Variants in TYW1B observed in about 807,000 individuals in gnomAD.
TYW1B encodes S-adenosyl-L-methionine-dependent tRNA 4-demethylwyosine synthase TYW1B.
Under a neutral mutation model 86.9 loss-of-function variants are expected in TYW1B, and 73 were observed. The observed-to-expected ratio is 0.84, with a 90% CI of 0.70 to 1.02. TYW1B has a LOEUF of 1.02. TYW1B is among the 50% of genes least tolerant of loss of function. The pLI is 0.00. For missense variants in TYW1B, 637 were observed against 827.4 expected (o/e 0.77, Z 2.82); for synonymous variants, 248 against 292.8 (o/e 0.85, Z 1.56).
At chr7:72,770,828 TA>T (rs1257848654) in intron 7 of TYW1B, among the ~76,000 whole-genome samples, 1 of 151,774 alleles carries the variant, frequency 6.6e-6, no homozygotes, top group Non-Finnish European at 1.5e-5. Context: ...TACTGAGCAA[TA>T]AAAGTGAATG....
intron 10 of TYW1B, among the ~76,000 whole-genome samples, chr7:72,706,431 C>CA (rs59124514): frequency 0.027 from 1,723 of 64,372 alleles, 26 homozygotes; most frequent in African/African-American, 0.074. Flanking sequence ...CCTCCATCTC[C>CA]AAAAAAAAAA....
chr7:72,703,796 A>G lies in TYW1B; in HGVS notation c.1371-8974T>C, dbSNP rs573694031. Among the ~76,000 whole-genome samples, 5 of 151,828 alleles carry G rather than the reference A, an allele frequency of 3.3e-5. No homozygotes were observed. The South Asian group carries it at 8.3e-4, about 25-fold the overall frequency. On this transcript the variant is annotated intron_variant, in intron 10 of 13. Transcript: ENST00000620995. ...CTTGAATTCGAAAGGCAGAGGCTGCAGTGAGCCAAGATCTCACCACTGCAC... is the reference window on the plus strand; with the variant it reads ...CTTGAATTCGAAAGGCAGAGGCTGCGGTGAGCCAAGATCTCACCACTGCAC...
intron 8 of TYW1B, among the ~76,000 whole-genome samples, chr7:72,735,591 C>T (rs1380806655): frequency 2.8e-5 from 4 of 144,512 alleles, no homozygotes; most frequent in East Asian, 4.1e-4. Context: ...AAAAAAAGGC[C>T]GAGTGCAGTG....
chr7:72,743,526 A>T (rs1787340904), intron 8 of TYW1B, among the ~76,000 whole-genome samples: 1 of 152,124 alleles, frequency 6.6e-6, no homozygotes, highest in African/African-American at 2.4e-5. Flanking sequence ...GTTGAAGAGT[A>T]AGCAGTTGTA....
At chr7:72,780,331 T>C (rs1554471418) in intron 6 of TYW1B, among the ~76,000 whole-genome samples, 1 of 152,200 alleles carries the variant, frequency 6.6e-6, no homozygotes, top group Non-Finnish European at 1.5e-5. Context: ...CTTGAAAGCA[T>C]TTGAATTCTC....
chr7:72,668,297 C>CA (rs782408305), intron 11 of TYW1B, among the ~76,000 whole-genome samples: 1 of 152,116 alleles, frequency 6.6e-6, no homozygotes. Context: ...GTTTTTAAGT[C>CA]AAAAAAGTAG....
intron 11 of TYW1B, among the ~76,000 whole-genome samples, chr7:72,674,385 T>G (rs1554446958): frequency 6.6e-6 from 1 of 152,094 alleles, no homozygotes; most frequent in East Asian, 1.9e-4. Flanking sequence ...AGAGAAACAC[T>G]TACTAAGCAC....
rs562601346 is a variant in TYW1B, at chr7:72,723,004, A to C, written c.1192+5818T>G. The C allele has an allele frequency of 1.4e-4, 98 of 701,692 alleles. 2 individuals carry two copies. In the South Asian group the frequency reaches 1.6e-3, roughly 11 times the overall value. The allele number at this position is 701,692 out of a possible 1,614,324, so 43.5% of individuals were successfully genotyped here. On this transcript the variant is annotated intron_variant, in intron 9 of 13. Coordinates refer to ENST00000620995, the MANE Select transcript of TYW1B (RefSeq NM_001145440.3). ...CTGGATACCTAAGCCTTGGGAATGG[A>C]CACGGCCGCCACCTCGAAAAGGGCC...
At chr7:72,646,434 C>T (rs1812933099) in intron 11 of TYW1B, among the ~76,000 whole-genome samples, 1 of 151,982 alleles carries the variant, frequency 6.6e-6, no homozygotes, top group Non-Finnish European at 1.5e-5. Flanking sequence ...TGCAGTGGCA[C>T]GATCTTGGCT....
intron 11 of TYW1B, among the ~76,000 whole-genome samples, chr7:72,692,689 A>C (rs1165312980): frequency 1.5e-4 from 23 of 152,192 alleles, no homozygotes; most frequent in Admixed American, 1.0e-3. Context: ...GGGGCAGCTA[A>C]TTGTAATCAG....
chr7:72,763,277 CTTTTCT>C (rs1247726283), intron 7 of TYW1B, among the ~76,000 whole-genome samples: 3 of 111,638 alleles, frequency 2.7e-5, no homozygotes, highest in African/African-American at 9.6e-5. Flanking sequence ...TTTTTCTTTT[CTTTTCT>C]TTTTTTTTTT....
intron 13 of TYW1B, among the ~76,000 whole-genome samples, chr7:72,590,309 T>C (rs1158679604): frequency 6.6e-5 from 10 of 152,208 alleles, no homozygotes; most frequent in African/African-American, 2.4e-4. Context: ...ATGTAGCTTC[T>C]AAGAGCCAGG....
At chr7:72,633,715 A>G (rs189438236) in intron 11 of TYW1B, among the ~76,000 whole-genome samples, 10 of 152,196 alleles carry the variant, frequency 6.6e-5, no homozygotes, top group Admixed American at 2.6e-4. Context: ...CTGTGTTTAT[A>G]AAATTCACCT....
At chr7:72,684,685 TTC>T (rs1813963865) in intron 11 of TYW1B, among the ~76,000 whole-genome samples, 1 of 152,184 alleles carries the variant, frequency 6.6e-6, no homozygotes, top group Admixed American at 6.6e-5. Flanking sequence ...TTATTCTTAA[TTC>T]ATCTAACAGA....
chr7:72,823,898 T>C (rs533648829), intron 2 of TYW1B, among the ~76,000 whole-genome samples: 7 of 152,340 alleles, frequency 4.6e-5, no homozygotes, highest in Non-Finnish European at 8.8e-5. Context: ...CATTTCATTA[T>C]TAACTTTCTG....
intron 6 of TYW1B, among the ~76,000 whole-genome samples, chr7:72,800,835 G>C (rs1173287318): frequency 1.3e-5 from 2 of 151,416 alleles, no homozygotes; most frequent in African/African-American, 2.4e-5. Context: ...GATCAATCTA[G>C]ATCTAGGAGG....
At chr7:72,622,708 G>GCA (rs782015423) in intron 12 of TYW1B, among the ~76,000 whole-genome samples, 1 of 146,594 alleles carries the variant, frequency 6.8e-6, no homozygotes, top group Non-Finnish European at 1.5e-5. Flanking sequence ...ACACACACAT[G>GCA]CACACACACA....
intron 13 of TYW1B, among the ~76,000 whole-genome samples, chr7:72,591,590 C>T (rs1811396449): frequency 2.6e-5 from 4 of 151,886 alleles, no homozygotes; most frequent in Admixed American, 6.6e-5. Flanking sequence ...TGGCAAAACA[C>T]GAGGAAGGAA....
At chr7:72,699,929 C>T (rs3015938) in intron 10 of TYW1B, among the ~76,000 whole-genome samples, 8,498 of 151,948 alleles carry the variant, frequency 0.056, 554 homozygotes, top group East Asian at 0.33. Context: ...GGATTACAGG[C>T]GTGAGCCACT....
Sources: allele counts gnomAD v4.1 joint callset (sites outside exome capture counted in the v4.1 genomes callset), GRCh38; gene constraint gnomAD v4.1.1; transcripts MANE v1.5; gene names NCBI Gene and HGNC (gene_info 2026-07-23, HGNC 2026-07-21).